OSBPL2: variants seen among roughly 807,000 people sequenced by gnomAD.
The protein encoded by OSBPL2 is oxysterol-binding protein-related protein 2.
Under a neutral mutation model 58.4 loss-of-function variants are expected in OSBPL2, and 18 were observed. The ratio of observed to expected loss-of-function variants is 0.31; its 90% CI spans 0.21 to 0.46. OSBPL2 has a LOEUF of 0.46. OSBPL2 is among the 20% of genes least tolerant of loss of function. The probability of loss-of-function intolerance (pLI) is 1.00; values close to 1 mark genes in which losing one functional copy is unlikely to be tolerated. For missense variants in OSBPL2, 461 were observed against 616.5 expected, an observed-to-expected ratio of 0.75 and a Z score of 2.67; for synonymous variants, 221 against 234.1, an observed-to-expected ratio of 0.94 and a Z score of 0.51.
chr20:62,293,212 G>T (rs1045147948), intron 13 of OSBPL2, among the ~76,000 whole-genome samples: 1 of 151,858 alleles, frequency 6.6e-6, no homozygotes, highest in East Asian at 1.9e-4. Flanking sequence ...TGAAAATAAT[G>T]ATCTTTTGTC....
At chr20:62,290,411 G>GTTTTTTTTTTT (rs3065795) in intron 12 of OSBPL2, among the ~76,000 whole-genome samples, 3 of 76,374 alleles carry the variant, frequency 3.9e-5, no homozygotes, top group Non-Finnish European at 6.8e-5. Flanking sequence ...AATTTTTTGG[G>GTTTTTTTTTTT]TTTTTTTTTT....
At position 62,291,757 on chromosome 20, in the gene OSBPL2, G is replaced by A; in HGVS notation, c.1304G>A (p.Arg435Lys). The A allele has an allele frequency of 6.2e-7, 1 of 1,613,460 alleles. No individual in the cohort carries two copies. Residue 435 changes from arginine to lysine, a missense_variant, in exon 13 of 14, where the codon AGG becomes AAG. This residue lies in a region of OSBPL2 where 319 missense variants were observed against 419.2 expected (regional missense o/e 0.76). Coordinates refer to ENST00000313733, the MANE Select transcript of OSBPL2 (RefSeq NM_144498.4). ...RLEEKQREAR[R>K]ERAKEEAEWQ... ...GAGGAGAAGCAGAGAGAAGCACGGA[G>A]GGAGCGGGCCAAGGAGGAGGCAGAG...
At chr20:62,240,667 C>T (rs965631611) in intron 1 of OSBPL2, among the ~76,000 whole-genome samples, 11 of 152,202 alleles carry the variant, frequency 7.2e-5, no homozygotes, top group Non-Finnish European at 1.3e-4. Flanking sequence ...TTAACATTTT[C>T]GTTTAGAATA....
At position 62,292,882 on chromosome 20, in the gene OSBPL2, A is replaced by ATT. The variant is rs35975453; in HGVS notation, c.1341-889_1341-888dup. Among the ~76,000 whole-genome samples, 512 of 141,016 alleles carry ATT rather than the reference A, an allele frequency of 3.6e-3. 2 individuals are homozygous for ATT. The highest frequency in any genetic ancestry group is 8.0e-3 in the African/African-American group (304 of 37,976). 92.5% of individuals were successfully genotyped at this position (141,016 alleles called of 152,430 possible). A position where few individuals can be genotyped will look rare whatever the true frequency, so the allele number is the denominator to read the frequency against. The stretch of plus-strand genomic sequence containing the variant: ...GCTTCAAAATAGTTAACCTTTCCTC[A>ATT]TTTTTTTTTTTTTTTGTTGTTGTTG... On this transcript the variant is annotated intron_variant, in intron 13 of 13. Transcript: ENST00000313733.
At chr20:62,289,026 C>T (rs768038261) in intron 11 of OSBPL2, among the ~76,000 whole-genome samples, 181 bp from the exon 12 acceptor site, 22 of 152,160 alleles carry the variant, frequency 1.4e-4, no homozygotes, top group Non-Finnish European at 2.6e-4. Flanking sequence ...GTGCATGATA[C>T]GTGCTTAGTG....
chr20:62,275,546 C>T (rs145208995), intron 6 of OSBPL2, among the ~76,000 whole-genome samples: 2 of 152,216 alleles, frequency 1.3e-5, no homozygotes, highest in Non-Finnish European at 2.9e-5. Context: ...CTCCTGGGCT[C>T]AAGTTATCTT....
intron 1 of OSBPL2, among the ~76,000 whole-genome samples, chr20:62,253,577 G>A (rs1308325306): frequency 6.6e-6 from 1 of 152,142 alleles, no homozygotes; most frequent in African/African-American, 2.4e-5. Context: ...GCAATGTGCA[G>A]GCTCCTCGTT....
At chr20:62,251,489 A>G (rs188576935) in intron 1 of OSBPL2, among the ~76,000 whole-genome samples, 1 of 149,142 alleles carries the variant, frequency 6.7e-6, no homozygotes, top group Non-Finnish European at 1.5e-5. Context: ...GCTCACTGCA[A>G]CCTCTGCCTC....
chr20:62,267,058 C>CG (rs1981718724), intron 4 of OSBPL2, among the ~76,000 whole-genome samples: 1 of 152,166 alleles, frequency 6.6e-6, no homozygotes, highest in African/African-American at 2.4e-5. Flanking sequence ...AGAACCAGCC[C>CG]GGGCAACAAA....
rs1362437371 is a variant in OSBPL2 at position 62,284,029 on chromosome 20, A to C, written c.873-17A>C. On this transcript the variant is annotated splice_polypyrimidine_tract_variant and intron_variant, in intron 9 of 13. Transcript: ENST00000313733. ...TAATGACTAAGACTTGTCTTTAAAAATCCCATTTAATTACAGCAAAAAGAA... is the reference window on the plus strand; with the variant it reads ...TAATGACTAAGACTTGTCTTTAAAACTCCCATTTAATTACAGCAAAAAGAA... The C allele has an allele frequency of 6.2e-7, 1 of 1,606,390 alleles. No homozygotes were observed.
At chr20:62,285,420 G>C (rs188128307) in intron 10 of OSBPL2, 1 of 152,316 alleles carries the variant, frequency 6.6e-6, no homozygotes, top group Non-Finnish European at 1.5e-5. Context: ...GGAAGCCCTG[G>C]GCTTTGACTC....
chr20:62,262,015 A>G (rs539758410), intron 3 of OSBPL2, among the ~76,000 whole-genome samples: 3 of 152,062 alleles, frequency 2.0e-5, no homozygotes, highest in East Asian at 1.9e-4. Flanking sequence ...CGGCCTCCCA[A>G]AGTATTGTGA....
At chr20:62,259,542 C>T (rs371278855) in intron 2 of OSBPL2, among the ~76,000 whole-genome samples, 2 of 152,316 alleles carry the variant, frequency 1.3e-5, no homozygotes, top group African/African-American at 4.8e-5. Flanking sequence ...ACACTGTCAG[C>T]AGGCGTGTTT....
At chr20:62,284,433 G>C in intron 10 of OSBPL2, 1 of 441,178 alleles carries the variant, frequency 2.3e-6, no homozygotes, top group Non-Finnish European at 4.2e-6. Flanking sequence ...CTGGAGTACA[G>C]TGGTGCAGTC....
In OSBPL2 at chr20:62,238,548, G is replaced by A. The variant is rs1005056695; in HGVS notation, c.-178G>A. The A allele has an allele frequency of 1.1e-4, 17 of 149,980 alleles. No individual in the cohort carries two copies. The highest frequency in any genetic ancestry group is 9.3e-4 in the Admixed American group (14 of 15,094). The allele number at this position is 149,980 out of a possible 1,614,324, so 9.3% of individuals were successfully genotyped here. The stretch of plus-strand genomic sequence containing the variant: ...CAGTGGGTCGCGGGCCTACGGGGCG[G>A]GGGCGGGGCGGCAGTGAGCTCGGCC... On this transcript the variant is annotated 5_prime_UTR_variant, in exon 1 of 14. Transcript: ENST00000313733.
chr20:62,286,861 G>A lies in OSBPL2; in HGVS notation c.1125+150G>A, dbSNP rs935221826. ...AGAGCAGACAGGGGCCTCCGCCATT[G>A]TCGGAGTGGCTTCTGTTGTCCCTGG... On this transcript the variant is annotated intron_variant, in intron 11 of 13. Coordinates refer to ENST00000313733, the MANE Select transcript of OSBPL2 (RefSeq NM_144498.4). The A allele has an allele frequency of 7.3e-5, 68 of 937,162 alleles. No individual in the cohort carries two copies. The Middle Eastern group carries it at 3.4e-3, about 47-fold the overall frequency. 58.1% of individuals were successfully genotyped at this position (937,162 alleles called of 1,614,324 possible).
chr20:62,289,306 C>T lies in OSBPL2; in HGVS notation c.1225C>T (p.Arg409Cys), dbSNP rs773593916. Residue 409 changes from arginine (R) to cysteine (C), a missense_variant, in exon 12 of 14, where the codon CGC becomes TGC. Physicochemically the swap from Arg to Cys is radical, Grantham distance 180. Coordinates refer to ENST00000313733, the MANE Select transcript of OSBPL2 (RefSeq NM_144498.4). ...PTDCRLRPDI[R>C]GMENGNMDLA... ...GGACTGCCGCCTGCGCCCTGACATC[C>T]GCGGCATGGAGAATGGCAACATGGG... is the stretch of plus-strand genomic sequence containing the variant. 3.1e-6 allele frequency: 5 copies of T among 1,613,072 alleles called. No homozygotes were observed. Among genetic ancestry groups the T allele is most frequent in the East Asian group, 2.2e-5 (1 of 44,866 alleles).
intron 1 of OSBPL2, among the ~76,000 whole-genome samples, chr20:62,244,952 C>T (rs1188687990): frequency 1.3e-5 from 2 of 152,380 alleles, no homozygotes; most frequent in East Asian, 3.9e-4. Context: ...TAGAAACTTC[C>T]TGCGTGAATT....
At position 62,267,286 on chromosome 20, in the gene OSBPL2, A is replaced by G. The variant is rs574465995; in HGVS notation, c.258+3595A>G. On this transcript the variant is annotated intron_variant, in intron 4 of 13. Transcript: ENST00000313733. ...CTGTGGGCGCTCAGAGTCTGGGTCC[A>G]CTAACTCACTGGGAGTTGCTAGTTG... Among the ~76,000 whole-genome samples the G allele has an allele frequency of 3.9e-5, 6 of 152,336 alleles. No homozygotes were observed. The East Asian group carries it at 1.2e-3, about 29-fold the overall frequency.
Sources: gnomAD v4.1 joint callset for allele counts (sites outside exome capture counted in the v4.1 genomes callset) on GRCh38, gnomAD v4.1.1 for gene constraint, gnomAD v4.1.1 regional missense constraint, MANE v1.5 for transcripts, NCBI Gene and HGNC (gene_info 2026-07-23, HGNC 2026-07-21) for gene names.